CEP44: variants seen among roughly 807,000 people sequenced by gnomAD.
CEP44 encodes centrosomal protein 44.
CEP44 carries 45 observed loss-of-function variants against 46.7 expected under a neutral mutation model. That is an observed-to-expected ratio of 0.96 (90% CI 0.76 to 1.24). The LOEUF is 1.24. Ranked by LOEUF, CEP44 falls within the 50% of genes most tolerant of loss-of-function variation. The pLI, the probability that CEP44 is intolerant of heterozygous loss-of-function variation, is 0.00. For synonymous variants in CEP44, 142 were observed against 146.0 expected (o/e 0.97, Z 0.20); for missense variants, 475 against 459.7 (o/e 1.03, Z -0.30).
intron 11 of CEP44, 92 bp from the exon 12 acceptor site, chr4:174,317,238 ATTTAT>A: frequency 2.1e-6 from 1 of 485,390 alleles, no homozygotes; most frequent in Non-Finnish European, 3.4e-6. Flanking sequence ...AAATATTCAA[ATTTAT>A]TTTAGGCTAA....
chr4:174,320,890 C>CT (rs1165989474), downstream of CEP44, among the ~76,000 whole-genome samples: 1 of 151,826 alleles, frequency 6.6e-6, no homozygotes, highest in African/African-American at 2.4e-5. Context: ...CAGTGGGAGA[C>CT]TATTACAGTA....
chr4:174,331,572 G>A lies in CEP44; in HGVS notation c.1177G>A (p.Ala393Thr). ...TTCATACCTTTCATCACAGAGCTTT[G>A]CTTGGCCTCTCTCCTGTGTGTAATC... is the stretch of plus-strand genomic sequence containing the variant. The change falls in exon 9 of 9, where the codon GCT becomes ACT. Residue 393 changes from alanine to threonine, a missense_variant. Transcript: ENST00000426172. This position sits in a 1 kb window ranked among gnomAD's most constrained non-coding sequence, Gnocchi z 4.5. 2 of 1,551,336 alleles carry A rather than the reference G, an allele frequency of 1.3e-6. No homozygotes were observed. The highest frequency in any genetic ancestry group is 1.7e-6 in the Non-Finnish European group (2 of 1,146,830).
rs773923394 is a variant in CEP44, at chr4:174,317,315, T to A, written c.1125-20T>A. 2 of 995,840 alleles carry A rather than the reference T, an allele frequency of 2.0e-6. No homozygotes were observed. The highest frequency in any genetic ancestry group is 2.5e-5 in the Admixed American group (1 of 39,898). The allele number at this position is 995,840 out of a possible 1,614,324, so 61.7% of individuals were successfully genotyped here. On this transcript the variant is annotated intron_variant, in intron 11 of 11. Transcript: ENST00000503780. ...TTATGAATTATTGATTTACTTAATATATTATTTATTATATTTCAGGTTTGA... is the reference window on the plus strand; with the variant it reads ...TTATGAATTATTGATTTACTTAATAAATTATTTATTATATTTCAGGTTTGA...
rs1415441763 is a variant in CEP44, at chr4:174,314,457, A to T, written c.962-1709A>T. 6.6e-6 allele frequency among the ~76,000 whole-genome samples: 1 copy of T among 152,206 alleles called. No homozygotes were observed. Among genetic ancestry groups the T allele is most frequent in the Non-Finnish European group, 1.5e-5 (1 of 68,030 alleles). On this transcript the variant is annotated intron_variant, in intron 9 of 11. Coordinates refer to ENST00000503780, the MANE Select transcript of CEP44 (RefSeq NM_001040157.3). This position sits in a 1 kb window ranked among gnomAD's most constrained non-coding sequence, Gnocchi z 4.1. ...TAATGGTCCACTCTGTAGCCTCTGG[A>T]ATCCTCTGTAGGAATAACTATGAAT...
Position 174,331,430 on chromosome 4 carries a change from G to A in CEP44, c.1087-52G>A. On this transcript the variant is annotated intron_variant, in intron 8 of 8. Coordinates refer to the CEP44 transcript ENST00000426172. The surrounding 1 kb of genome is among the most constrained non-coding windows in gnomAD (Gnocchi z 4.5). ...GCTCTAATTCCTATCTACCCATTCTGCCAATGCATTTAGATCATATTTTAA... is the reference window on the plus strand; with the variant it reads ...GCTCTAATTCCTATCTACCCATTCTACCAATGCATTTAGATCATATTTTAA... The A allele has an allele frequency of 3.3e-6, 5 of 1,537,316 alleles. No homozygotes were observed. Among genetic ancestry groups the A allele is most frequent in the Non-Finnish European group, 3.5e-6 (4 of 1,138,610 alleles).
chr4:174,316,800 G>T, intron 11 of CEP44: 2 of 358,720 alleles, frequency 5.6e-6, no homozygotes, highest in South Asian at 5.4e-5. Context: ...AATTGTTAAT[G>T]GAATTAACTG....
At position 174,326,877 on chromosome 4, in the gene CEP44, C is replaced by T. The variant is rs1207904204; in HGVS notation, c.1087-4605C>T. 6.6e-6 allele frequency among the ~76,000 whole-genome samples: 1 copy of T among 151,556 alleles called. No homozygotes were observed. The highest frequency in any genetic ancestry group is 2.4e-5 in the African/African-American group (1 of 41,298). ...ATGAGAAATCTACTGTTATTTTTAT[C>T]TTTGTTTCTTTATGGAATCTGTCTT... is the stretch of plus-strand genomic sequence containing the variant. On this transcript the variant is annotated intron_variant, in intron 8 of 8. Transcript: ENST00000426172. This position sits in a 1 kb window ranked among gnomAD's most constrained non-coding sequence, Gnocchi z 4.8.
intron 6 of CEP44, among the ~76,000 whole-genome samples, chr4:174,307,920 C>T (rs1388845605): frequency 6.6e-6 from 1 of 152,092 alleles, no homozygotes; most frequent in Admixed American, 6.6e-5. Flanking sequence ...CCATGTCACG[C>T]TTCTCAGAAT....
chr4:174,320,409 C>T, downstream of CEP44: 1 of 701,152 alleles, frequency 1.4e-6, no homozygotes, highest in Non-Finnish European at 1.7e-6. Context: ...TTAATATAAC[C>T]TTCTCAATTT....
chr4:174,285,537 A>C (rs1737487353), intron 1 of CEP44: 1 of 152,208 alleles, frequency 6.6e-6, no homozygotes, highest in Admixed American at 6.5e-5. Context: ...CATGTAAGAG[A>C]CACTGAAATG....
Position 174,308,727 on chromosome 4 carries a change from TA to T in CEP44, c.548del (p.Asn183MetfsTer9), listed in dbSNP as rs751249478. ...VVIRHLYNED[N>X]VDISEDTLSP... is the part of the protein sequence containing the mutation. ...TGATTCGTCACTTGTATAATGAAGA[TA>T]ATGTTGACATTTCTGAGGATACATT... On this transcript the variant is annotated frameshift_variant, in exon 7 of 12. Transcript: ENST00000503780. LOFTEE classifies it high-confidence loss of function. 1 of 1,612,634 alleles carries T rather than the reference TA, an allele frequency of 6.2e-7. No individual in the cohort carries two copies.
At chr4:174,294,775 C>G (rs1286965698) in intron 1 of CEP44, among the ~76,000 whole-genome samples, 2 of 143,336 alleles carry the variant, frequency 1.4e-5, no homozygotes, top group Non-Finnish European at 3.1e-5. Context: ...CCACCTCCCT[C>G]CCGGACGGTG....
rs1344630773 is a variant in CEP44, at chr4:174,288,515, A to G, written c.-148+4572A>G. On this transcript the variant is annotated intron_variant, in intron 1 of 11. Transcript: ENST00000503780. This position sits in a 1 kb window ranked among gnomAD's most constrained non-coding sequence, Gnocchi z 4.6. ...TATTTTAGATTTCACATACATTGAGATAATACAGTATTTGTCTTTTTGTGT... is the reference window on the plus strand; with the variant it reads ...TATTTTAGATTTCACATACATTGAGGTAATACAGTATTTGTCTTTTTGTGT... 1.3e-5 allele frequency among the ~76,000 whole-genome samples: 2 copies of G among 152,102 alleles called. No individual in the cohort carries two copies. The highest frequency in any genetic ancestry group is 4.8e-5 in the African/African-American group (2 of 41,428).
chr4:174,304,059 T>C (rs1434471845), intron 5 of CEP44, among the ~76,000 whole-genome samples, 188 bp from the exon 6 acceptor site: 5 of 152,218 alleles, frequency 3.3e-5, no homozygotes, highest in Non-Finnish European at 7.3e-5. Context: ...CTCCTAGTGT[T>C]AAACTAATAG....
Position 174,303,730 on chromosome 4 carries a change from C to T in CEP44, c.265C>T (p.Pro89Ser). 6.5e-7 allele frequency: 1 copy of T among 1,542,904 alleles called. No individual in the cohort carries two copies. The highest frequency in any genetic ancestry group is 8.9e-7 in the Non-Finnish European group (1 of 1,128,196). Residue 89 changes from proline to serine, a missense_variant, in exon 5 of 12, where the codon CCA (proline) becomes TCA (serine). Transcript: ENST00000503780. ...TCTTCGTGATCAATTTAATTATAAA[C>T]CAATTTTGACAAAAAAGCAGTTTAT... Reference protein sequence around the residue: ...KLLRDQFNYKPILTKKQFIQC... With the variant: ...KLLRDQFNYKSILTKKQFIQC...
chr4:174,315,103 A>T (rs1274455084), intron 9 of CEP44, among the ~76,000 whole-genome samples: 1 of 152,194 alleles, frequency 6.6e-6, no homozygotes, highest in Non-Finnish European at 1.5e-5. Flanking sequence ...CTGTGGCTCT[A>T]TGAGAGATAA....
intron 1 of CEP44, 157 bp downstream of exon 1, chr4:174,284,100 G>T: frequency 2.5e-6 from 1 of 399,200 alleles, no homozygotes; most frequent in Non-Finnish European, 4.4e-6. Flanking sequence ...TCCCTGTCGT[G>T]CTGGGCCTTT....
At position 174,290,866 on chromosome 4, in the gene CEP44, T is replaced by A. The variant is rs1738115890; in HGVS notation, c.-148+6923T>A. On this transcript the variant is annotated intron_variant, in intron 1 of 11. Coordinates refer to ENST00000503780, the MANE Select transcript of CEP44 (RefSeq NM_001040157.3). This position sits in a 1 kb window ranked among gnomAD's most constrained non-coding sequence, Gnocchi z 4.3. ...TATGTATTTTTAGTTGTTGTATCTT[T>A]CTATTGAATTGACCCTTTTACTATT... Among the ~76,000 whole-genome samples, 1 of 152,238 alleles carries A rather than the reference T, an allele frequency of 6.6e-6. No individual in the cohort carries two copies. Among genetic ancestry groups the A allele is most frequent in the South Asian group, 2.1e-4 (1 of 4,832 alleles).
chr4:174,296,302 G>A (rs1010721369), intron 1 of CEP44, among the ~76,000 whole-genome samples: 1 of 152,110 alleles, frequency 6.6e-6, no homozygotes, highest in East Asian at 1.9e-4. Flanking sequence ...ATCACTCATT[G>A]TGTTCTTTCA....
Sources: allele counts gnomAD v4.1 joint callset (sites outside exome capture counted in the v4.1 genomes callset), GRCh38; gene constraint gnomAD v4.1.1; non-coding constraint Gnocchi (gnomAD v3.1); transcripts MANE v1.5; gene names NCBI Gene and HGNC (gene_info 2026-07-23, HGNC 2026-07-21).